The following FILIP1L variants were observed in gnomAD, a reference collection of about 807,000 sequenced individuals.
The protein encoded by FILIP1L is filamin A-interacting protein 1-like.
Under a neutral mutation model 96.6 loss-of-function variants are expected in FILIP1L, and 55 were observed. The observed-to-expected ratio is 0.57, with a 90% CI of 0.46 to 0.71. The LOEUF (loss-of-function observed/expected upper bound fraction) is 0.71, where lower values mean the gene tolerates loss of function less well. FILIP1L is among the 30% of genes least tolerant of loss of function. FILIP1L has a pLI of 0.00. For missense variants in FILIP1L, 1,304 were observed against 1,321.2 expected, an observed-to-expected ratio of 0.99 and a Z score of 0.20; for synonymous variants, 467 against 473.9, an observed-to-expected ratio of 0.99 and a Z score of 0.19.
intron 1 of FILIP1L, among the ~76,000 whole-genome samples, chr3:100,031,526 G>A (rs955035669): frequency 5.9e-5 from 9 of 152,096 alleles, no homozygotes; most frequent in South Asian, 2.1e-4. Context: ...AAGAAGCCAC[G>A]TTACAGAACT....
chr3:100,050,855 G>A (rs1299470128), intron 1 of FILIP1L, among the ~76,000 whole-genome samples: 1 of 152,098 alleles, frequency 6.6e-6, no homozygotes, highest in Admixed American at 6.6e-5. Context: ...TAAATTAGCG[G>A]CTTTAACTTT....
chr3:100,021,916 TG>T (rs1423077262), intron 1 of FILIP1L, among the ~76,000 whole-genome samples: 3 of 33,600 alleles, frequency 8.9e-5, no homozygotes, highest in East Asian at 1.8e-3. Flanking sequence ...TAGATCCCAT[TG>T]TGTGTGTGTG....
At chr3:100,045,401 A>AG (rs1417534103) in intron 1 of FILIP1L, among the ~76,000 whole-genome samples, 1 of 152,234 alleles carries the variant, frequency 6.6e-6, no homozygotes, top group Non-Finnish European at 1.5e-5. Context: ...GAGTGAATAA[A>AG]GGAATGAACA....
intron 1 of FILIP1L, among the ~76,000 whole-genome samples, chr3:100,058,619 T>G (rs1315623469): frequency 6.6e-6 from 1 of 152,156 alleles, no homozygotes; most frequent in Non-Finnish European, 1.5e-5. Flanking sequence ...TTCTCTCCGC[T>G]TTTTTTCTCC....
At chr3:99,933,457 CTATT>C (rs1193887532) in intron 1 of FILIP1L, among the ~76,000 whole-genome samples, 16 of 151,974 alleles carry the variant, frequency 1.1e-4, no homozygotes, top group African/African-American at 3.6e-4. Flanking sequence ...GTGTGTATAT[CTATT>C]TATTTATAAA....
In FILIP1L at chr3:99,889,279, G is replaced by A. The variant is rs189675726; in HGVS notation, c.605+34951C>T. On this transcript the variant is annotated intron_variant, in intron 4 of 5. Transcript: ENST00000477258. The stretch of plus-strand genomic sequence containing the variant: ...ATTCTTGCTTTACATATTTTTAGAT[G>A]CACACAAATTCAAACTGTTCCTAGG... 1.6e-3 allele frequency among the ~76,000 whole-genome samples: 245 copies of A among 152,082 alleles called. 1 individual carries two copies. Among genetic ancestry groups the A allele is most frequent in the African/African-American group, 5.8e-3 (240 of 41,498 alleles).
At chr3:99,939,208 GCA>G (rs1189618218) in intron 1 of FILIP1L, among the ~76,000 whole-genome samples, 1 of 152,084 alleles carries the variant, frequency 6.6e-6, no homozygotes, top group East Asian at 1.9e-4. Flanking sequence ...ATAGTATCAG[GCA>G]CTTAGTATTT....
At chr3:99,963,610 AT>A (rs148027279) in intron 1 of FILIP1L, among the ~76,000 whole-genome samples, 173 of 147,718 alleles carry the variant, frequency 1.2e-3, no homozygotes, top group African/African-American at 2.5e-3. Flanking sequence ...ATATGCATCC[AT>A]TTTTTTTTTC....
At chr3:100,071,912 A>G (rs945883622) in intron 1 of FILIP1L, among the ~76,000 whole-genome samples, 5 of 152,178 alleles carry the variant, frequency 3.3e-5, no homozygotes, top group African/African-American at 1.2e-4. Flanking sequence ...ACTTTGCCAT[A>G]TCAGCTAATT....
intron 4 of FILIP1L, among the ~76,000 whole-genome samples, chr3:99,865,939 T>C (rs1944490349): frequency 6.6e-6 from 1 of 152,118 alleles, no homozygotes; most frequent in Non-Finnish European, 1.5e-5. Context: ...AAATTTTGTT[T>C]TTAACCTCCA....
At chr3:100,004,093 G>A (rs1709920082) in intron 1 of FILIP1L, among the ~76,000 whole-genome samples, 2 of 152,068 alleles carry the variant, frequency 1.3e-5, no homozygotes, top group Non-Finnish European at 2.9e-5. Context: ...CCTTGATTCG[G>A]CCTACTGAGA....
At chr3:99,934,910 A>G (rs1042640798) in intron 1 of FILIP1L, among the ~76,000 whole-genome samples, 2 of 152,236 alleles carry the variant, frequency 1.3e-5, no homozygotes, top group African/African-American at 4.8e-5. Context: ...TGGGGATAGT[A>G]GCATCAACAT....
At chr3:99,903,269 T>TTGG (rs1437136918) in intron 4 of FILIP1L, among the ~76,000 whole-genome samples, 1 of 152,028 alleles carries the variant, frequency 6.6e-6, no homozygotes, top group Admixed American at 6.6e-5. Context: ...TTTTTTTTTT[T>TTGG]GAGACGGAAT....
chr3:99,983,460 GTGTGTATATATA>G lies in FILIP1L; in HGVS notation c.-10-52442_-10-52431del, dbSNP rs1709215511. On this transcript the variant is annotated intron_variant, in intron 1 of 5. Transcript: ENST00000477258. ...TATATATGTATGTATATATATATAT[GTGTGTATATATA>G]TATATATATATATATATATATATAT... 3.4e-3 allele frequency among the ~76,000 whole-genome samples: 234 copies of G among 69,394 alleles called. 4 individuals are homozygous for G. Among genetic ancestry groups the G allele is most frequent in the African/African-American group, 0.023 (221 of 9,596 alleles). 45.5% of individuals were successfully genotyped at this position (69,394 alleles called of 152,430 possible). A position where few individuals can be genotyped will look rare whatever the true frequency, so the allele number is the denominator to read the frequency against.
At position 99,867,559 on chromosome 3, in the gene FILIP1L, A is replaced by G. The variant is rs528829951; in HGVS notation, c.606-16489T>C. 7.4e-4 allele frequency among the ~76,000 whole-genome samples: 112 copies of G among 152,332 alleles called. 1 individual carries two copies. The highest frequency in any genetic ancestry group is 1.0e-3 in the Non-Finnish European group (70 of 68,026). ...ATATCTGATGGACAGGAAATGTTGGACCAAAATCTGCTAGTGACTTAACTA... is the reference window on the plus strand; with the variant it reads ...ATATCTGATGGACAGGAAATGTTGGGCCAAAATCTGCTAGTGACTTAACTA... On this transcript the variant is annotated intron_variant, in intron 4 of 5. Coordinates refer to ENST00000477258, the MANE Select transcript of FILIP1L (RefSeq NM_001387850.1).
chr3:100,087,080 T>C (rs1171642505), intron 1 of FILIP1L, among the ~76,000 whole-genome samples: 1 of 152,242 alleles, frequency 6.6e-6, no homozygotes, highest in Non-Finnish European at 1.5e-5. Flanking sequence ...AGCTGTACCA[T>C]AGTTTGCTAA....
At chr3:100,064,132 AT>A (rs1469044711) in intron 1 of FILIP1L, among the ~76,000 whole-genome samples, 3 of 152,196 alleles carry the variant, frequency 2.0e-5, no homozygotes, top group Non-Finnish European at 4.4e-5. Flanking sequence ...TTGAAAGTGA[AT>A]TTGAGGTCTG....
Position 99,848,320 on chromosome 3 carries a change from G to T in FILIP1L, c.3356C>A (p.Pro1119His). The T allele has an allele frequency of 6.2e-7, 1 of 1,614,104 alleles. No individual in the cohort carries two copies. Among genetic ancestry groups the T allele is most frequent in the South Asian group, 1.1e-5 (1 of 91,072 alleles). ...TGTAATTTGTGATTGTCGAGGAAGA[G>T]GTGTGGCTGTTGGTGTGATAGTAAT... is the stretch of plus-strand genomic sequence containing the variant. ...SSITITPTAT[P>H]LPRQSQITIK... Residue 1119 changes from proline to histidine, a missense_variant, in exon 5 of 6, where the codon CCT (proline) becomes CAT (histidine). Coordinates refer to ENST00000477258, the MANE Select transcript of FILIP1L (RefSeq NM_001387850.1).
chr3:100,057,917 CAACT>C (rs942211481), intron 1 of FILIP1L, among the ~76,000 whole-genome samples: 6 of 152,210 alleles, frequency 3.9e-5, no homozygotes, highest in African/African-American at 1.2e-4. Flanking sequence ...ACCTTTTACC[CAACT>C]AACTGACTGT....
Sources: allele counts gnomAD v4.1 joint callset (sites outside exome capture counted in the v4.1 genomes callset), GRCh38; gene constraint gnomAD v4.1.1; transcripts MANE v1.5; gene names NCBI Gene and HGNC (gene_info 2026-07-23, HGNC 2026-07-21).